The following MIA2 variants were observed in gnomAD, a reference collection of about 807,000 sequenced individuals.
The protein encoded by MIA2 is melanoma inhibitory activity protein 2.
A neutral mutation model predicts 167.8 loss-of-function variants in MIA2; 127 were observed. The observed-to-expected ratio is 0.76, with a 90% CI of 0.66 to 0.88. The LOEUF is 0.88. MIA2 is among the 40% of genes least tolerant of loss of function. The pLI, the probability that MIA2 is intolerant of heterozygous loss-of-function variation, is 0.00. For synonymous variants in MIA2, 552 were observed against 541.9 expected, an observed-to-expected ratio of 1.02 and a Z score of -0.26; for missense variants, 1,690 against 1,624.7, an observed-to-expected ratio of 1.04 and a Z score of -0.69.
intron 6 of MIA2, chr14:39,267,292 C>T (rs992312416): frequency 2.7e-6 from 4 of 1,458,168 alleles, no homozygotes; most frequent in Non-Finnish European, 3.6e-6. Flanking sequence ...GTGAGGCCTG[C>T]GGGTGCCCCT....
chr14:39,322,539 C>CAAAA (rs541740480), intron 24 of MIA2, among the ~76,000 whole-genome samples: 1 of 78,220 alleles, frequency 1.3e-5, no homozygotes, highest in Non-Finnish European at 2.7e-5. Flanking sequence ...GACTCCGTCT[C>CAAAA]AAAAAAAAAA....
rs190827470 is a variant in MIA2, at chr14:39,359,280, G to A, written c.2248+10303G>A. Among the ~76,000 whole-genome samples the A allele has an allele frequency of 9.3e-4, 141 of 152,300 alleles. 3 individuals are homozygous for A. The South Asian group carries it at 0.01, about 11-fold the overall frequency. ...GCACCCCTCCCCCAGCCTTGCTGTC[G>A]CCTTGCAGTTTGATTTCAGACTGCT... On this transcript the variant is annotated intron_variant, in intron 23 of 23. Transcript: ENST00000341502.
chr14:39,372,758 A>T (rs1354025209), intron 23 of MIA2, among the ~76,000 whole-genome samples: 1 of 152,220 alleles, frequency 6.6e-6, no homozygotes. Flanking sequence ...GGATATAGAG[A>T]TTCCTGCACA....
At chr14:39,363,163 A>G (rs1452355135) in intron 23 of MIA2, among the ~76,000 whole-genome samples, 1 of 152,230 alleles carries the variant, frequency 6.6e-6, no homozygotes, top group African/African-American at 2.4e-5. Context: ...AGAAGAATGT[A>G]TATTCTACAG....
At chr14:39,304,263 A>T in intron 16 of MIA2, 28 bp from the exon 17 acceptor site, 1 of 1,089,262 alleles carries the variant, frequency 9.2e-7, no homozygotes, top group Non-Finnish European at 1.3e-6. Context: ...GATTAATGTT[A>T]CTTTTTTCCT....
At chr14:39,306,618 GC>G (rs1814583597) in intron 17 of MIA2, among the ~76,000 whole-genome samples, 1 of 152,150 alleles carries the variant, frequency 6.6e-6, no homozygotes, top group Non-Finnish European at 1.5e-5. Flanking sequence ...GGGACACAAA[GC>G]CAAACCATAT....
At chr14:39,361,529 C>T (rs2139282718) in intron 23 of MIA2, among the ~76,000 whole-genome samples, 1 of 151,832 alleles carries the variant, frequency 6.6e-6, no homozygotes, top group Admixed American at 6.6e-5. Context: ...ACTTCCGCCT[C>T]CCGGGTTCAA....
chr14:39,364,311 T>C (rs1171238807), intron 23 of MIA2, among the ~76,000 whole-genome samples: 1 of 151,930 alleles, frequency 6.6e-6, no homozygotes, highest in African/African-American at 2.4e-5. Flanking sequence ...TGAGCTGATA[T>C]CATCAACATC....
chr14:39,294,178 TC>T, intron 12 of MIA2, 107 bp downstream of exon 12: 1 of 725,786 alleles, frequency 1.4e-6, no homozygotes, highest in Non-Finnish European at 2.2e-6. Flanking sequence ...ATATAGGGGA[TC>T]CCAGATATGT....
chr14:39,376,646 T>G (rs971724973), intron 23 of MIA2, among the ~76,000 whole-genome samples: 6 of 152,202 alleles, frequency 3.9e-5, no homozygotes, highest in African/African-American at 1.4e-4. Flanking sequence ...GAGACAAATC[T>G]CAATCAGTTT....
intron 6 of MIA2, among the ~76,000 whole-genome samples, chr14:39,267,731 TG>T (rs958529230): frequency 2.3e-4 from 35 of 152,308 alleles, no homozygotes; most frequent in Non-Finnish European, 4.6e-4. Flanking sequence ...GAGGAGGACC[TG>T]GGGCTCTGGG....
chr14:39,310,772 TCA>T (rs2064106396), intron 18 of MIA2, among the ~76,000 whole-genome samples: 1 of 152,212 alleles, frequency 6.6e-6, no homozygotes, highest in East Asian at 1.9e-4. Flanking sequence ...GTTCTGTACT[TCA>T]GTCATGATTT....
chr14:39,274,980 C>T (rs1238710970), intron 6 of MIA2, among the ~76,000 whole-genome samples: 3 of 148,962 alleles, frequency 2.0e-5, no homozygotes, highest in Non-Finnish European at 3.0e-5. Flanking sequence ...GAGGCTGAGG[C>T]AGGAGAATTG....
In MIA2 at chr14:39,291,047, T is replaced by C. The variant is rs766722324; in HGVS notation, c.2159T>C (p.Leu720Ser). The C allele has an allele frequency of 6.2e-7, 1 of 1,608,132 alleles. No homozygotes were observed. The highest frequency in any genetic ancestry group is 1.3e-5 in the African/African-American group (1 of 74,650). The change falls in exon 10 of 29, where the codon TTA (leucine) becomes TCA (serine). Residue 720 changes from leucine (L) to serine (S), a missense_variant. By Grantham distance (145) the Leu-to-Ser change is moderately radical. Coordinates refer to ENST00000640607, the MANE Select transcript of MIA2 (RefSeq NM_001329214.4). ...GAAGGCTATGAAGTAGAGTCATCTT[T>C]AAAGGATGCCAGCTTTGAGAAGGAG... is the stretch of plus-strand genomic sequence containing the variant. ...EYEGYEVESS[L>S]KDASFEKEAT...
chr14:39,302,093 T>C (rs2062608095), intron 14 of MIA2, 36 bp from the exon 15 acceptor site: 7 of 1,605,494 alleles, frequency 4.4e-6, no homozygotes, highest in Non-Finnish European at 6.0e-6. Context: ...CATAAGGCAT[T>C]ACCCTCTCTA....
chr14:39,368,341 A>C (rs2074865360), intron 23 of MIA2, among the ~76,000 whole-genome samples: 1 of 152,202 alleles, frequency 6.6e-6, no homozygotes, highest in Admixed American at 6.5e-5. Context: ...GGGCAGTGGC[A>C]ATTCCCAGGG....
intron 26 of MIA2, among the ~76,000 whole-genome samples, chr14:39,346,631 G>A (rs1229221688): frequency 6.7e-6 from 1 of 149,250 alleles, no homozygotes; most frequent in Non-Finnish European, 1.5e-5. Flanking sequence ...TTGGTAAAAG[G>A]TTTCCTCAGG....
At chr14:39,294,815 T>C (rs1475172543) in intron 12 of MIA2, 110 bp from the exon 13 acceptor site, 2 of 736,136 alleles carry the variant, frequency 2.7e-6, no homozygotes, top group East Asian at 2.5e-5. Context: ...CTGCTGTTAA[T>C]ATTGGCATGG....
chr14:39,292,026 T>C (rs891041064), intron 10 of MIA2, among the ~76,000 whole-genome samples: 2 of 152,238 alleles, frequency 1.3e-5, no homozygotes, highest in African/African-American at 2.4e-5. Context: ...CTATGTGTTA[T>C]GATTCAGAAT....
Sources: gnomAD v4.1 joint callset for allele counts (sites outside exome capture counted in the v4.1 genomes callset) on GRCh38, gnomAD v4.1.1 for gene constraint, MANE v1.5 for transcripts, NCBI Gene and HGNC (gene_info 2026-07-23, HGNC 2026-07-21) for gene names.